The following BIN1 variants were observed in gnomAD, a reference collection of about 807,000 sequenced individuals.
BIN1 encodes the protein bridging integrator 1, also known as myc box-dependent-interacting protein 1.
A neutral mutation model predicts 82.0 loss-of-function variants in BIN1; 53 were observed. The ratio of observed to expected loss-of-function variants is 0.65; its 90% confidence interval spans 0.52 to 0.81. The LOEUF is 0.81. Ranked by LOEUF, BIN1 falls within the 40% of genes least tolerant of loss-of-function variation. BIN1 has a pLI of 0.00. For missense variants in BIN1, 642 were observed against 784.4 expected (o/e 0.82, Z 2.17); for synonymous variants, 302 against 328.0 (o/e 0.92, Z 0.86).
At chr2:127,050,573 T>C in intron 17 of BIN1, 51 bp from the exon 18 acceptor site, 2 of 1,596,626 alleles carry the variant, frequency 1.3e-6, no homozygotes, top group East Asian at 2.2e-5. Context: ...CCTCCAGCCC[T>C]GCACAGAGCA....
chr2:127,054,384 C>T (rs113401490), intron 12 of BIN1: 18,699 of 328,174 alleles, frequency 0.057, 742 homozygotes, highest in Non-Finnish European at 0.079. Context: ...GGCCCCTCCC[C>T]ACCAATGCCC....
chr2:127,096,970 C>G (rs1055890024), intron 1 of BIN1, among the ~76,000 whole-genome samples: 1 of 152,194 alleles, frequency 6.6e-6, no homozygotes, highest in African/African-American at 2.4e-5. Context: ...GCTTCTCCAG[C>G]CACAGGCCTG....
intron 1 of BIN1, among the ~76,000 whole-genome samples, chr2:127,100,133 T>C (rs1430598489): frequency 6.6e-6 from 1 of 152,146 alleles, no homozygotes; most frequent in Non-Finnish European, 1.5e-5. Context: ...TGGAATAAAC[T>C]GGAGACAACT....
In BIN1 at chr2:127,057,743, A is replaced by C; in HGVS notation, c.1003-142T>G. 1 of 1,079,968 alleles carries C rather than the reference A, an allele frequency of 9.3e-7. No homozygotes were observed. Among genetic ancestry groups the C allele is most frequent in the Non-Finnish European group, 1.2e-6 (1 of 815,242 alleles). The allele number at this position is 1,079,968 out of a possible 1,614,324, so 66.9% of individuals were successfully genotyped here. A position where few individuals can be genotyped will look rare whatever the true frequency, so the allele number is the denominator to read the frequency against. On this transcript the variant is annotated intron_variant, in intron 11 of 18. Coordinates refer to ENST00000316724, the MANE Select transcript of BIN1 (RefSeq NM_139343.3). This position sits in a 1 kb window ranked among gnomAD's most constrained non-coding sequence, Gnocchi z 5.0. ...CAGGCCACTGAGCAGGACGCAGCAA[A>C]TGAAGAGTCACTGCCCTCCCAGCCC...
chr2:127,069,861 G>T, intron 5 of BIN1, 134 bp downstream of exon 5: 1 of 858,686 alleles, frequency 1.2e-6, no homozygotes, highest in Non-Finnish European at 1.8e-6. Context: ...ACCCCGGAGG[G>T]GTGAAACACC....
chr2:127,062,273 T>C, intron 9 of BIN1, 76 bp from the exon 10 acceptor site: 1 of 1,390,104 alleles, frequency 7.2e-7, no homozygotes, highest in Non-Finnish European at 9.9e-7. Flanking sequence ...ACACCTCTGC[T>C]TCTCCCCACC....
At chr2:127,092,313 C>A (rs544962541) in intron 1 of BIN1, among the ~76,000 whole-genome samples, 14 of 152,174 alleles carry the variant, frequency 9.2e-5, no homozygotes, top group African/African-American at 2.2e-4. Context: ...CCTCCCCACC[C>A]GATTAAGGAT....
intron 1 of BIN1, 57 bp downstream of exon 1, chr2:127,106,803 G>A: frequency 6.5e-7 from 1 of 1,546,204 alleles, no homozygotes; most frequent in Non-Finnish European, 8.7e-7. Flanking sequence ...GGGGACAGGT[G>A]GCCGGGGCTC....
intron 1 of BIN1, among the ~76,000 whole-genome samples, chr2:127,102,440 G>A (rs1364689061): frequency 1.3e-5 from 2 of 152,218 alleles, no homozygotes; most frequent in African/African-American, 2.4e-5. Context: ...GAAATATGGA[G>A]GGAATCTACC....
intron 1 of BIN1, among the ~76,000 whole-genome samples, chr2:127,105,467 C>CCCCCCT (rs1387479075): frequency 1.8e-5 from 1 of 55,772 alleles, no homozygotes; most frequent in African/African-American, 5.5e-5. Context: ...GGGCTTTAAT[C>CCCCCCT]CCTCCTCCTC....
intron 1 of BIN1, among the ~76,000 whole-genome samples, chr2:127,079,975 C>T (rs1196547009): frequency 6.6e-6 from 1 of 152,272 alleles, no homozygotes; most frequent in Non-Finnish European, 1.5e-5. Context: ...GCTGCTGAAG[C>T]TCTCAGTGCT....
intron 1 of BIN1, among the ~76,000 whole-genome samples, chr2:127,085,478 TCA>T (rs999823955): frequency 6.6e-6 from 1 of 151,924 alleles, no homozygotes; most frequent in African/African-American, 2.4e-5. Context: ...CCACACACGC[TCA>T]CACACACCCT....
chr2:127,048,724 C>T, intron 18 of BIN1, 91 bp from the exon 19 acceptor site: 5 of 1,237,692 alleles, frequency 4.0e-6, no homozygotes, highest in Non-Finnish European at 4.7e-6. Flanking sequence ...GGGAAGACGG[C>T]CCCTCCTCCT....
At chr2:127,061,573 C>T (rs935914264) in intron 10 of BIN1, among the ~76,000 whole-genome samples, 3 of 152,220 alleles carry the variant, frequency 2.0e-5, no homozygotes, top group Non-Finnish European at 2.9e-5. Flanking sequence ...CATTTCCCTC[C>T]TCCCTCATGG....
At chr2:127,106,734 C>T in intron 1 of BIN1, 126 bp downstream of exon 1, 1 of 1,251,078 alleles carries the variant, frequency 8.0e-7, no homozygotes, top group South Asian at 1.4e-5. Flanking sequence ...GAAAGCGCTC[C>T]TCTAGAGGTG....
intron 1 of BIN1, among the ~76,000 whole-genome samples, chr2:127,097,812 A>G (rs1046299642): frequency 2.8e-4 from 43 of 152,340 alleles, no homozygotes; most frequent in Admixed American, 2.6e-4. Context: ...GCTACAGCCC[A>G]GGCCCAGCCT....
At chr2:127,101,348 C>G (rs1251624584) in intron 1 of BIN1, among the ~76,000 whole-genome samples, 2 of 152,234 alleles carry the variant, frequency 1.3e-5, no homozygotes, top group Middle Eastern at 3.2e-3. Context: ...GAGCTGCCCA[C>G]CTGACTCTCT....
At chr2:127,069,366 C>CT (rs573001235) in intron 5 of BIN1, among the ~76,000 whole-genome samples, 147 of 152,334 alleles carry the variant, frequency 9.6e-4, no homozygotes, top group Non-Finnish European at 1.2e-3. Context: ...GGCATCTGCA[C>CT]TGGGGACCCC....
chr2:127,097,387 C>T (rs958574358), intron 1 of BIN1, among the ~76,000 whole-genome samples: 1 of 151,552 alleles, frequency 6.6e-6, no homozygotes, highest in Non-Finnish European at 1.5e-5. Context: ...GCAGCGTCAG[C>T]CCTCCAGGCC....
Sources: gnomAD v4.1 joint callset for allele counts (sites outside exome capture counted in the v4.1 genomes callset) on GRCh38, gnomAD v4.1.1 for gene constraint, Gnocchi (gnomAD v3.1) non-coding constraint, MANE v1.5 for transcripts, NCBI Gene and HGNC (gene_info 2026-07-23, HGNC 2026-07-21) for gene names.